Variants in VPS13B observed in about 807,000 individuals in gnomAD.
The protein encoded by VPS13B is vacuolar protein sorting 13 homolog B, also known as intermembrane lipid transfer protein VPS13B.
In VPS13B, 285 loss-of-function variants were observed where a neutral mutation model predicts 426.4. That is an observed-to-expected ratio of 0.67 (90% CI 0.61 to 0.74). The LOEUF is 0.74. Among genes scored for constraint, VPS13B ranks in the 30% least tolerant of loss-of-function variants. VPS13B has a pLI of 0.00. For synonymous variants in VPS13B, 1,676 were observed against 1,676.4 expected (o/e 1.00, Z 0.01); for missense variants, 4,537 against 4,782.6 (o/e 0.95, Z 1.51).
At chr8:99,509,083 G>A (rs1821648567) in intron 28 of VPS13B, among the ~76,000 whole-genome samples, 2 of 151,994 alleles carry the variant, frequency 1.3e-5, no homozygotes. Flanking sequence ...TTTTAGATTA[G>A]TGGTCAGTAG....
At chr8:99,608,777 T>C (rs1827713461) in intron 33 of VPS13B, among the ~76,000 whole-genome samples, 2 of 152,186 alleles carry the variant, frequency 1.3e-5, no homozygotes, top group South Asian at 4.1e-4. Context: ...CTGGCTTCAT[T>C]CACCTAGTGT....
At chr8:99,712,998 T>C (rs901876104) in intron 36 of VPS13B, among the ~76,000 whole-genome samples, 4 of 152,320 alleles carry the variant, frequency 2.6e-5, no homozygotes, top group South Asian at 2.1e-4. Flanking sequence ...TAGAATGATA[T>C]GAATTTTGAC....
Position 99,280,735 on chromosome 8 carries a change from T to G in VPS13B, c.2824+5481T>G, listed in dbSNP as rs148095308. ...TAAGACAGTTCTAATTACTATTAGA[T>G]TATTTATTCACTGGACTATACCTCC... On this transcript the variant is annotated intron_variant, in intron 19 of 61. Transcript: ENST00000357162. 2.7e-3 allele frequency among the ~76,000 whole-genome samples: 409 copies of G among 152,312 alleles called. 2 individuals carry two copies. The highest frequency in any genetic ancestry group is 4.1e-3 in the Non-Finnish European group (279 of 68,030).
At chr8:99,858,574 G>A (rs930803178) in intron 56 of VPS13B, among the ~76,000 whole-genome samples, 2 of 152,118 alleles carry the variant, frequency 1.3e-5, no homozygotes, top group Admixed American at 1.3e-4. Context: ...AATCTCAGCT[G>A]CTTGGGAGGC....
intron 17 of VPS13B, among the ~76,000 whole-genome samples, chr8:99,221,720 T>C (rs1444322542): frequency 6.6e-6 from 1 of 152,168 alleles, no homozygotes; most frequent in Non-Finnish European, 1.5e-5. Context: ...CAGCTATTTA[T>C]TCAGGAGTGG....
At chr8:99,256,736 G>A (rs965754623) in intron 17 of VPS13B, among the ~76,000 whole-genome samples, 2 of 151,924 alleles carry the variant, frequency 1.3e-5, no homozygotes, top group Non-Finnish European at 2.9e-5. Context: ...TTTGAAGTGG[G>A]TTTTTTTGTT....
At chr8:99,065,974 A>G (rs1022452167) in intron 3 of VPS13B, among the ~76,000 whole-genome samples, 3 of 152,254 alleles carry the variant, frequency 2.0e-5, no homozygotes, top group Non-Finnish European at 4.4e-5. Flanking sequence ...AAGGAGAACT[A>G]CAAACCACTG....
chr8:99,433,735 A>G lies in VPS13B; in HGVS notation c.3210+2071A>G, dbSNP rs1039768240. On this transcript the variant is annotated intron_variant, in intron 22 of 61. Coordinates refer to ENST00000357162, the MANE Select transcript of VPS13B (RefSeq NM_152564.5). ...ATATTGAAAAAAATAGTATTCAAGGAGAAAGCTTTAGTGTGTTTTAGTCTT... is the reference window on the plus strand; with the variant it reads ...ATATTGAAAAAAATAGTATTCAAGGGGAAAGCTTTAGTGTGTTTTAGTCTT... 6.6e-5 allele frequency among the ~76,000 whole-genome samples: 10 copies of G among 152,274 alleles called. No individual in the cohort carries two copies. In the East Asian group the frequency reaches 1.9e-3, roughly 29 times the overall value.
intron 35 of VPS13B, among the ~76,000 whole-genome samples, chr8:99,664,392 G>A: frequency 6.6e-6 from 1 of 151,210 alleles, no homozygotes; most frequent in East Asian, 1.9e-4. Flanking sequence ...ATGTATACAT[G>A]TGCCGTGTTG....
intron 19 of VPS13B, among the ~76,000 whole-genome samples, chr8:99,348,569 A>G (rs1043947952): frequency 1.1e-4 from 16 of 152,194 alleles, no homozygotes; most frequent in African/African-American, 3.9e-4. Flanking sequence ...TAAAACAACT[A>G]TCTATTCTAA....
intron 31 of VPS13B, among the ~76,000 whole-genome samples, chr8:99,565,154 A>G (rs947155179): frequency 6.6e-6 from 1 of 152,162 alleles, no homozygotes; most frequent in African/African-American, 2.4e-5. Flanking sequence ...TATAATATTT[A>G]AAGATATAAT....
At chr8:99,424,538 T>G (rs1439091197) in intron 21 of VPS13B, 1 of 152,142 alleles carries the variant, frequency 6.6e-6, no homozygotes, top group Non-Finnish European at 1.5e-5. Context: ...CATACCAGAA[T>G]CTCTGGGACA....
At chr8:99,366,921 C>G (rs1449780637) in intron 19 of VPS13B, among the ~76,000 whole-genome samples, 2 of 152,060 alleles carry the variant, frequency 1.3e-5, no homozygotes, top group Admixed American at 1.3e-4. Flanking sequence ...TGCTTTTTAA[C>G]TTTTTGTTTT....
At chr8:99,427,878 T>C (rs1018733064) in intron 21 of VPS13B, among the ~76,000 whole-genome samples, 1 of 152,126 alleles carries the variant, frequency 6.6e-6, no homozygotes, top group South Asian at 2.1e-4. Flanking sequence ...GCTACCTGAC[T>C]TCAAACGGTA....
intron 19 of VPS13B, among the ~76,000 whole-genome samples, chr8:99,290,809 T>C (rs1459037199): frequency 6.6e-6 from 1 of 151,892 alleles, no homozygotes; most frequent in Non-Finnish European, 1.5e-5. Flanking sequence ...TAATTAAGGG[T>C]TGGAGAAGAA....
chr8:99,102,960 G>A lies in VPS13B; in HGVS notation c.420G>A (p.Val140=), dbSNP rs1379154568. 2 of 1,603,790 alleles carry A rather than the reference G, an allele frequency of 1.2e-6. No individual in the cohort carries two copies. Among genetic ancestry groups the A allele is most frequent in the African/African-American group, 1.3e-5 (1 of 74,810 alleles). Residue 140 remains valine, a synonymous_variant, in exon 5 of 62, where the codon GTG becomes GTA. Coordinates refer to ENST00000357162, the MANE Select transcript of VPS13B (RefSeq NM_152564.5). The part of the protein sequence containing the change: ...PTDPDLPPGY[V]QSLIRRVVNN... Reference sequence around the variant, plus strand: ...TTTTTTTCTATTTTATAGGTTATGTGCAGAGTCTGATTAGACGAGTTGTAA... The same window carrying A: ...TTTTTTTCTATTTTATAGGTTATGTACAGAGTCTGATTAGACGAGTTGTAA...
Position 99,442,412 on chromosome 8 carries a change from A to C in VPS13B, c.3222A>C (p.Gln1074His). 1 of 1,613,726 alleles carries C rather than the reference A, an allele frequency of 6.2e-7. No individual in the cohort carries two copies. The highest frequency in any genetic ancestry group is 8.5e-7 in the Non-Finnish European group (1 of 1,179,712). The change falls in exon 23 of 62, where the codon CAA (glutamine) becomes CAC (histidine). Residue 1074 changes from glutamine to histidine, a missense_variant. Around this residue, in one of 2 missense-constraint regions of VPS13B, gnomAD observed 4,311 missense variants for 4,474.3 expected, o/e 0.96. Coordinates refer to ENST00000357162, the MANE Select transcript of VPS13B (RefSeq NM_152564.5). ...CTTTTCTTTTCTAGCTTGAAGTACA[A>C]TCTTGTTGTGTGTTTATTCCAAATG... Reference protein sequence around the residue: ...VKHLTLQLEVQSCCVFIPNDS... With the variant: ...VKHLTLQLEVHSCCVFIPNDS...
chr8:99,037,302 G>A (rs571042952), intron 2 of VPS13B, among the ~76,000 whole-genome samples: 4 of 151,608 alleles, frequency 2.6e-5, no homozygotes, highest in Non-Finnish European at 4.4e-5. Flanking sequence ...AACAAATTAG[G>A]CCCACACTTT....
At chr8:99,294,601 A>G (rs1288895152) in intron 19 of VPS13B, among the ~76,000 whole-genome samples, 1 of 152,198 alleles carries the variant, frequency 6.6e-6, no homozygotes, top group Non-Finnish European at 1.5e-5. Flanking sequence ...GATATGGCAT[A>G]GCTAAGACAA....
Sources: gnomAD v4.1 joint callset for allele counts (sites outside exome capture counted in the v4.1 genomes callset) on GRCh38, gnomAD v4.1.1 for gene constraint, gnomAD v4.1.1 regional missense constraint, MANE v1.5 for transcripts, NCBI Gene and HGNC (gene_info 2026-07-23, HGNC 2026-07-21) for gene names.